The following ABR variants were observed in gnomAD, a reference collection of about 807,000 sequenced individuals.
The protein encoded by ABR is ABR activator of RhoGEF and GTPase.
Under a neutral mutation model 107.2 loss-of-function variants are expected in ABR, and 35 were observed. The observed-to-expected ratio is 0.33, with a 90% CI of 0.25 to 0.43. ABR has a LOEUF of 0.43. ABR is among the 20% of genes least tolerant of loss of function. The pLI, the probability that ABR is intolerant of heterozygous loss-of-function variation, is 1.00. For missense variants in ABR, 815 were observed against 1,115.2 expected, an observed-to-expected ratio of 0.73 and a Z score of 3.83; for synonymous variants, 498 against 462.0, an observed-to-expected ratio of 1.08 and a Z score of -1.00.
intron 1 of ABR, among the ~76,000 whole-genome samples, chr17:1,159,845 G>A (rs75775501): frequency 2.0e-5 from 3 of 152,194 alleles, no homozygotes; most frequent in Admixed American, 6.5e-5. Context: ...GTCCTTGGTC[G>A]TGGGTCCACG....
intron 3 of ABR, 123 bp downstream of exon 3, chr17:1,100,514 T>C (rs2037791259): frequency 4.6e-6 from 4 of 877,778 alleles, no homozygotes; most frequent in Middle Eastern, 3.2e-4. Flanking sequence ...CTGCAGACTC[T>C]GTCCACAGGG....
Position 1,072,655 on chromosome 17 carries a change from T to A in ABR, c.853A>T (p.Ile285Phe). The change falls in exon 8 of 23, where the codon ATC becomes TTC. Residue 285 changes from isoleucine to phenylalanine, a missense_variant. Around this residue, in one of 5 missense-constraint regions of ABR, gnomAD observed 385 missense variants for 596.9 expected, o/e 0.64. Coordinates refer to ENST00000302538, the MANE Select transcript of ABR (RefSeq NM_021962.5). ...GTCACTGCAGTCCGGCGGGGGTCGATGTCCTCGTTGATGCTGGACAGGAAG... is the reference window on the plus strand; with the variant it reads ...GTCACTGCAGTCCGGCGGGGGTCGAAGTCCTCGTTGATGCTGGACAGGAAG... ...QNFLSSINED[I>F]DPRRTAVTTP... 2.5e-6 allele frequency: 4 copies of A among 1,612,590 alleles called. No individual in the cohort carries two copies. The highest frequency in any genetic ancestry group is 3.4e-6 in the Non-Finnish European group (4 of 1,179,366).
At position 1,037,417 on chromosome 17, in the gene ABR, G is replaced by T. The variant is rs978683629; in HGVS notation, c.1791+12633C>A. 4.6e-5 allele frequency among the ~76,000 whole-genome samples: 7 copies of T among 152,166 alleles called. No individual in the cohort carries two copies. Among genetic ancestry groups the T allele is most frequent in the African/African-American group, 1.7e-4 (7 of 41,452 alleles). Reference sequence around the variant, plus strand: ...GTGCTCGGTGGTTCTAGGTACGGAGGAGAGGCTGAAACAGCCCAAGAGCTT... The same window carrying T: ...GTGCTCGGTGGTTCTAGGTACGGAGTAGAGGCTGAAACAGCCCAAGAGCTT... On this transcript the variant is annotated intron_variant, in intron 16 of 22. Coordinates refer to ENST00000302538, the MANE Select transcript of ABR (RefSeq NM_021962.5). This position sits in a 1 kb window ranked among gnomAD's most constrained non-coding sequence, Gnocchi z 4.6.
chr17:1,065,740 T>C (rs1028729439), intron 10 of ABR, among the ~76,000 whole-genome samples: 1 of 118,484 alleles, frequency 8.4e-6, no homozygotes, highest in Middle Eastern at 4.9e-3. Flanking sequence ...TCCAAACCAA[T>C]GCTTTTTTTT....
At chr17:1,188,143 G>A (rs1422750438), upstream of ABR, among the ~76,000 whole-genome samples, 2 of 151,794 alleles carry the variant, frequency 1.3e-5, no homozygotes, top group Non-Finnish European at 2.9e-5. Flanking sequence ...TGAGATCGAG[G>A]CTGCAGTGAA....
At chr17:1,065,528 T>C (rs2586298) in intron 10 of ABR, among the ~76,000 whole-genome samples, 4 of 131,436 alleles carry the variant, frequency 3.0e-5, no homozygotes, top group East Asian at 2.3e-4. Flanking sequence ...CTAGACGCTG[T>C]TGTTATGTGA....
chr17:1,123,088 G>A (rs181052646), intron 2 of ABR, among the ~76,000 whole-genome samples: 1 of 152,122 alleles, frequency 6.6e-6, no homozygotes, highest in Non-Finnish European at 1.5e-5. Flanking sequence ...AGGAAGAGGC[G>A]TCAGCTCCCT....
At chr17:1,146,625 C>CATGA (rs2040539689) in intron 1 of ABR, among the ~76,000 whole-genome samples, 1 of 33,062 alleles carries the variant, frequency 3.0e-5, no homozygotes, top group African/African-American at 1.4e-4. Context: ...ACCACTGCCA[C>CATGA]CACTGCCACA....
chr17:1,099,865 T>C lies in ABR; in HGVS notation c.345+772A>G, dbSNP rs553679821. ...CAGACAGGCCGGGCGCAGTGGCTCATGCCTGTAATCCCAGCACTTTGGGAG... is the reference window on the plus strand; with the variant it reads ...CAGACAGGCCGGGCGCAGTGGCTCACGCCTGTAATCCCAGCACTTTGGGAG... On this transcript the variant is annotated intron_variant, in intron 3 of 22. Coordinates refer to ENST00000302538, the MANE Select transcript of ABR (RefSeq NM_021962.5). 4.6e-5 allele frequency among the ~76,000 whole-genome samples: 7 copies of C among 152,264 alleles called. No homozygotes were observed. In the South Asian group the frequency reaches 1.5e-3, roughly 32 times the overall value.
chr17:1,135,048 G>C (rs772747464), intron 1 of ABR, among the ~76,000 whole-genome samples: 1 of 152,258 alleles, frequency 6.6e-6, no homozygotes, highest in Non-Finnish European at 1.5e-5. Context: ...CTTGAAAGCT[G>C]TGTGGGTGCC....
At chr17:1,014,557 G>A (rs1242894469) in intron 16 of ABR, among the ~76,000 whole-genome samples, 1 of 151,882 alleles carries the variant, frequency 6.6e-6, no homozygotes, top group Non-Finnish European at 1.5e-5. Context: ...TAAGAAAACA[G>A]GCCAGGCACG....
At position 1,033,326 on chromosome 17, in the gene ABR, G is replaced by A. The variant is rs550266277; in HGVS notation, c.1791+16724C>T. ...GCTGTCCTTCGTGGAAGGCTGGCAG[G>A]GACCAGGCATCATGGATTAAGTCAC... is the stretch of plus-strand genomic sequence containing the variant. On this transcript the variant is annotated intron_variant, in intron 16 of 22. Transcript: ENST00000302538. Among the ~76,000 whole-genome samples, 3 of 152,308 alleles carry A rather than the reference G, an allele frequency of 2.0e-5. No individual in the cohort carries two copies. The South Asian group carries it at 6.2e-4, about 32-fold the overall frequency.
At chr17:1,057,232 A>G in intron 12 of ABR, 130 bp from the exon 13 acceptor site, 1 of 590,132 alleles carries the variant, frequency 1.7e-6, no homozygotes, top group Non-Finnish European at 3.1e-6. Flanking sequence ...AGGGAGGGGG[A>G]AGGATTTGTG....
intron 16 of ABR, among the ~76,000 whole-genome samples, chr17:1,044,567 C>T (rs898136445): frequency 2.6e-5 from 4 of 151,668 alleles, no homozygotes; most frequent in East Asian, 1.9e-4. Flanking sequence ...AGGAGAATGG[C>T]GTGAACCTGG....
intron 1 of ABR, among the ~76,000 whole-genome samples, chr17:1,211,839 G>C (rs978002974): frequency 1.3e-5 from 2 of 152,108 alleles, no homozygotes; most frequent in African/African-American, 4.8e-5. Flanking sequence ...CCAGCACTTC[G>C]AGAGGCCAAG....
chr17:1,151,174 C>T (rs1202497730), intron 1 of ABR, among the ~76,000 whole-genome samples: 1 of 152,048 alleles, frequency 6.6e-6, no homozygotes, highest in South Asian at 2.1e-4. Context: ...GAGGATGAAA[C>T]GAGTAAACAT....
upstream of ABR, among the ~76,000 whole-genome samples, chr17:1,180,586 A>G (rs1300139998): frequency 6.6e-6 from 1 of 152,154 alleles, no homozygotes; most frequent in Non-Finnish European, 1.5e-5. Context: ...TCCTGGGCGG[A>G]GGACAAACTG....
rs145654459 is a variant in ABR at position 1,157,319 on chromosome 17, T to C, written c.61+22348A>G. Among the ~76,000 whole-genome samples the C allele has an allele frequency of 9.6e-3, 1,453 of 151,504 alleles. 22 individuals are homozygous for C. The highest frequency in any genetic ancestry group is 0.034 in the African/African-American group (1,388 of 41,264). On this transcript the variant is annotated intron_variant, in intron 1 of 22. Coordinates refer to ENST00000302538, the MANE Select transcript of ABR (RefSeq NM_021962.5). This position sits in a 1 kb window ranked among gnomAD's most constrained non-coding sequence, Gnocchi z 4.7. Reference sequence around the variant, plus strand: ...AGGCTGGAGTGCAAAGGTGCAACCTTAGCTCACTGCAACCTCCACCTCCCG... The same window carrying C: ...AGGCTGGAGTGCAAAGGTGCAACCTCAGCTCACTGCAACCTCCACCTCCCG...
At chr17:1,123,110 G>A (rs1387104928) in intron 2 of ABR, among the ~76,000 whole-genome samples, 3 of 152,130 alleles carry the variant, frequency 2.0e-5, no homozygotes, top group African/African-American at 7.2e-5. Flanking sequence ...CAGGCACCCC[G>A]TGTAAACAGC....
Sources: gnomAD v4.1 joint callset for allele counts (sites outside exome capture counted in the v4.1 genomes callset) on GRCh38, gnomAD v4.1.1 for gene constraint, gnomAD v4.1.1 regional missense constraint, Gnocchi (gnomAD v3.1) non-coding constraint, MANE v1.5 for transcripts, NCBI Gene and HGNC (gene_info 2026-07-23, HGNC 2026-07-21) for gene names.